Variants in NAALADL2 observed in about 807,000 individuals in gnomAD.
NAALADL2 encodes the protein N-acetylated alpha-linked acidic dipeptidase like 2, also known as inactive N-acetylated-alpha-linked acidic dipeptidase-like protein 2.
A neutral mutation model predicts 87.2 loss-of-function variants in NAALADL2; 76 were observed. That is an observed-to-expected ratio of 0.87 (90% CI 0.72 to 1.05). NAALADL2 has a LOEUF of 1.05. Ranked by LOEUF, NAALADL2 falls within the 50% of genes least tolerant of loss-of-function variation. The probability of loss-of-function intolerance (pLI) is 0.00; values close to 1 mark genes in which losing one functional copy is unlikely to be tolerated. For missense variants in NAALADL2, 1,089 were observed against 945.8 expected, an observed-to-expected ratio of 1.15 and a Z score of -1.99; for synonymous variants, 354 against 331.0, an observed-to-expected ratio of 1.07 and a Z score of -0.75.
chr3:174,573,621 G>C (rs944482700), intron 2 of NAALADL2, among the ~76,000 whole-genome samples: 3 of 152,154 alleles, frequency 2.0e-5, no homozygotes, highest in Non-Finnish European at 2.9e-5. Flanking sequence ...TGCTATTGCA[G>C]AAAGTGAACA....
intron 11 of NAALADL2, among the ~76,000 whole-genome samples, chr3:175,688,167 C>T (rs914933086): frequency 1.3e-5 from 2 of 152,074 alleles, no homozygotes; most frequent in African/African-American, 4.8e-5. Flanking sequence ...AATGAAATGA[C>T]ATTATTACAA....
At chr3:175,033,775 C>T (rs1010579359) in intron 1 of NAALADL2, among the ~76,000 whole-genome samples, 7 of 152,232 alleles carry the variant, frequency 4.6e-5, no homozygotes, top group African/African-American at 1.4e-4. Context: ...ACTCTCACTC[C>T]TTACGTGGTT....
chr3:174,979,634 C>G (rs2108645935), intron 1 of NAALADL2, among the ~76,000 whole-genome samples: 1 of 152,084 alleles, frequency 6.6e-6, no homozygotes, highest in South Asian at 2.1e-4. Flanking sequence ...ATAAGCATTT[C>G]TTTTCTAATT....
At chr3:175,132,971 G>C (rs1320160623) in intron 2 of NAALADL2, among the ~76,000 whole-genome samples, 2 of 151,850 alleles carry the variant, frequency 1.3e-5, no homozygotes, top group African/African-American at 4.8e-5. Flanking sequence ...TCTCAGACGG[G>C]GCGGCCGGGC....
chr3:174,762,732 C>A (rs192948759), intron 3 of NAALADL2, among the ~76,000 whole-genome samples: 375 of 152,126 alleles, frequency 2.5e-3, no homozygotes, highest in Admixed American at 3.9e-3. Flanking sequence ...TTCTAGCATA[C>A]TAAAACTTAC....
chr3:175,380,198 A>G (rs2148981947), intron 5 of NAALADL2, among the ~76,000 whole-genome samples: 1 of 152,220 alleles, frequency 6.6e-6, no homozygotes, highest in East Asian at 1.9e-4. Flanking sequence ...TTAAAGTATA[A>G]TAATAATAAT....
intron 2 of NAALADL2, among the ~76,000 whole-genome samples, chr3:174,624,388 C>T (rs1318144778): frequency 2.6e-5 from 4 of 152,040 alleles, no homozygotes; most frequent in African/African-American, 7.2e-5. Context: ...GTTTGGGAGG[C>T]GGAGGCGGGT....
At chr3:175,738,439 G>T (rs1361942442) in intron 12 of NAALADL2, among the ~76,000 whole-genome samples, 1 of 152,096 alleles carries the variant, frequency 6.6e-6, no homozygotes, top group Non-Finnish European at 1.5e-5. Flanking sequence ...TAGAGATGGG[G>T]TTTCACCGTG....
intron 4 of NAALADL2, among the ~76,000 whole-genome samples, chr3:175,275,652 A>T (rs1753483104): frequency 6.6e-6 from 1 of 152,140 alleles, no homozygotes; most frequent in Admixed American, 6.6e-5. Context: ...CACTTGTCTT[A>T]TATGTACCTC....
chr3:174,921,691 G>A (rs1252903833), intron 1 of NAALADL2, among the ~76,000 whole-genome samples: 1 of 151,466 alleles, frequency 6.6e-6, no homozygotes, highest in Non-Finnish European at 1.5e-5. Context: ...TGTAGTCCCA[G>A]CTACTTGAGA....
At chr3:174,769,533 T>C (rs1348129967) in intron 3 of NAALADL2, among the ~76,000 whole-genome samples, 1 of 151,786 alleles carries the variant, frequency 6.6e-6, no homozygotes, top group Admixed American at 6.5e-5. Flanking sequence ...TCTGGATTTA[T>C]TAAGGACAAT....
chr3:175,685,724 T>C (rs921302217), intron 11 of NAALADL2, among the ~76,000 whole-genome samples: 2 of 152,046 alleles, frequency 1.3e-5, no homozygotes, highest in Non-Finnish European at 2.9e-5. Context: ...CTGGAAAAGC[T>C]GATGTTTCTG....
chr3:175,178,010 A>G (rs1217932736), intron 2 of NAALADL2, among the ~76,000 whole-genome samples: 1 of 152,106 alleles, frequency 6.6e-6, no homozygotes, highest in Non-Finnish European at 1.5e-5. Context: ...GTTTTGGAGC[A>G]TGGATTCAGG....
rs1027316482 is a variant in NAALADL2 at position 175,130,214 on chromosome 3, C to T, written c.545+32923C>T. Among the ~76,000 whole-genome samples, 3 of 151,966 alleles carry T rather than the reference C, an allele frequency of 2.0e-5. No individual in the cohort carries two copies. In the South Asian group the frequency reaches 6.2e-4, roughly 32 times the overall value. ...TTATAACTTTTGTATATTATAACTT[C>T]TTATAAATTTTGGATATTAACTTCT... On this transcript the variant is annotated intron_variant, in intron 2 of 13. Coordinates refer to ENST00000454872, the MANE Select transcript of NAALADL2 (RefSeq NM_207015.3).
intron 2 of NAALADL2, among the ~76,000 whole-genome samples, chr3:174,559,129 C>G (rs1713249387): frequency 6.6e-6 from 1 of 152,120 alleles, no homozygotes; most frequent in Non-Finnish European, 1.5e-5. Flanking sequence ...AATCAGATAT[C>G]AGGAGACCCT....
chr3:175,369,095 A>T (rs1281174443), intron 5 of NAALADL2, among the ~76,000 whole-genome samples: 1 of 152,168 alleles, frequency 6.6e-6, no homozygotes, highest in Non-Finnish European at 1.5e-5. Context: ...AAGTAATTGC[A>T]CTAATGTCAC....
chr3:175,449,082 C>T (rs1020511105), intron 6 of NAALADL2, among the ~76,000 whole-genome samples: 1 of 151,880 alleles, frequency 6.6e-6, no homozygotes, highest in African/African-American at 2.4e-5. Context: ...CAAATAACTA[C>T]TTTTTTAAAA....
intron 11 of NAALADL2, chr3:175,675,482 CAG>C (rs1029606941): frequency 6.6e-6 from 1 of 152,192 alleles, no homozygotes; most frequent in African/African-American, 2.4e-5. Context: ...CTTCATAAAA[CAG>C]AGATAAGATC....
intron 4 of NAALADL2, among the ~76,000 whole-genome samples, chr3:175,290,040 A>G (rs1755460980): frequency 6.6e-6 from 1 of 152,206 alleles, no homozygotes; most frequent in African/African-American, 2.4e-5. Context: ...CTATAAATCT[A>G]TCAAATGACT....
Sources: allele counts gnomAD v4.1 joint callset (sites outside exome capture counted in the v4.1 genomes callset), GRCh38; gene constraint gnomAD v4.1.1; transcripts MANE v1.5; gene names NCBI Gene and HGNC (gene_info 2026-07-23, HGNC 2026-07-21).